LDHAL6A: variants seen among roughly 807,000 people sequenced by gnomAD.
LDHAL6A encodes the protein lactate dehydrogenase A like 6A, also known as L-lactate dehydrogenase A-like 6A.
Under a neutral mutation model 28.2 loss-of-function variants are expected in LDHAL6A, and 19 were observed. The observed-to-expected ratio is 0.67, with a 90% CI of 0.47 to 0.99. LDHAL6A has a LOEUF of 0.99. LDHAL6A is among the 50% of genes least tolerant of loss of function. The probability of loss-of-function intolerance (pLI) is 0.00; values close to 1 mark genes in which losing one functional copy is unlikely to be tolerated. For missense variants in LDHAL6A, 372 were observed against 398.6 expected (o/e 0.93, Z 0.57); for synonymous variants, 144 against 134.4 (o/e 1.07, Z -0.49).
intron 1 of LDHAL6A, 124 bp downstream of exon 1, chr11:18,456,930 G>C: frequency 1.0e-6 from 1 of 965,870 alleles, no homozygotes; most frequent in Non-Finnish European, 1.5e-6. Flanking sequence ...GGCATCAGAG[G>C]AAAAGGTGCC....
chr11:18,465,450 A>ATT (rs1444428228), intron 2 of LDHAL6A, among the ~76,000 whole-genome samples, 187 bp from the exon 3 acceptor site: 2 of 146,954 alleles, frequency 1.4e-5, no homozygotes, highest in African/African-American at 5.1e-5. Context: ...TTTTATTATT[A>ATT]AAAAAAATGT....
intron 3 of LDHAL6A, among the ~76,000 whole-genome samples, chr11:18,474,545 C>T (rs1849325533): frequency 6.6e-6 from 1 of 152,060 alleles, no homozygotes; most frequent in Non-Finnish European, 1.5e-5. Context: ...CACCACCATG[C>T]CTGGCTAATT....
rs114126870 is a variant in LDHAL6A, at chr11:18,466,344, T to C, written c.418+534T>C. ...ACAGTGGTAATCAGTGTATATACTA[T>C]AATGACTTTAAAAAATACTAGTGTG... On this transcript the variant is annotated intron_variant, in intron 3 of 6. Transcript: ENST00000280706. 5.2e-3 allele frequency among the ~76,000 whole-genome samples: 785 copies of C among 152,178 alleles called. 8 individuals are homozygous for C. Among genetic ancestry groups the C allele is most frequent in the African/African-American group, 0.018 (740 of 41,522 alleles).
At chr11:18,457,763 C>T (rs1242055369) in intron 1 of LDHAL6A, among the ~76,000 whole-genome samples, 2 of 152,142 alleles carry the variant, frequency 1.3e-5, no homozygotes, top group Non-Finnish European at 2.9e-5. Flanking sequence ...TCTCAAACTC[C>T]TGGCCTCAAG....
intron 3 of LDHAL6A, among the ~76,000 whole-genome samples, chr11:18,467,950 T>C (rs1590254112): frequency 1.9e-5 from 1 of 53,274 alleles, no homozygotes; most frequent in Admixed American, 2.7e-4. Flanking sequence ...CACACATATA[T>C]ATATACGTAT....
chr11:18,475,667 G>C, intron 4 of LDHAL6A, 28 bp downstream of exon 4: 1 of 1,588,084 alleles, frequency 6.3e-7, no homozygotes, highest in Non-Finnish European at 8.6e-7. Context: ...TTGAGCCTCT[G>C]AAATATCTAT....
chr11:18,465,859 T>C (rs964268515), intron 3 of LDHAL6A, 49 bp downstream of exon 3: 10 of 1,437,912 alleles, frequency 7.0e-6, no homozygotes, highest in Non-Finnish European at 9.7e-6. Context: ...GGGGGTACAC[T>C]GTGTAGGTTC....
chr11:18,471,215 T>G (rs936289468), intron 3 of LDHAL6A, among the ~76,000 whole-genome samples: 6 of 151,496 alleles, frequency 4.0e-5, no homozygotes, highest in Non-Finnish European at 7.4e-5. Flanking sequence ...TAGAAGTTTT[T>G]TTTTTTTTTT....
At chr11:18,460,407 C>T (rs1237907322) in intron 1 of LDHAL6A, among the ~76,000 whole-genome samples, 1 of 151,806 alleles carries the variant, frequency 6.6e-6, no homozygotes, top group Non-Finnish European at 1.5e-5. Flanking sequence ...GCCTGGCTAA[C>T]ATGGTGAAAC....
chr11:18,466,759 T>C (rs1330348382), intron 3 of LDHAL6A, among the ~76,000 whole-genome samples: 1 of 152,116 alleles, frequency 6.6e-6, no homozygotes, highest in East Asian at 1.9e-4. Context: ...AAATTACTGT[T>C]TGAGAAGTGA....
intron 1 of LDHAL6A, among the ~76,000 whole-genome samples, chr11:18,460,917 A>T (rs2133862715): frequency 6.6e-6 from 1 of 152,216 alleles, no homozygotes; most frequent in East Asian, 1.9e-4. Context: ...AGCTCACAGC[A>T]ACCTCCGCCT....
intron 6 of LDHAL6A, among the ~76,000 whole-genome samples, chr11:18,478,496 C>T (rs535280186): frequency 1.5e-4 from 23 of 151,956 alleles, no homozygotes; most frequent in Non-Finnish European, 3.4e-4. Flanking sequence ...GGAGGCGGAG[C>T]TTGCAGTGAG....
At position 18,475,494 on chromosome 11, in the gene LDHAL6A, G is replaced by A. The variant is rs1481841083; in HGVS notation, c.447G>A (p.Lys149=). The change falls in exon 4 of 7, where the codon AAG becomes AAA. Residue 149 remains lysine, a synonymous_variant. Transcript: ENST00000280706. ...ATATCTTAACTTATGTAGCCTGGAA[G>A]TTGAGTGGATTTCCCAAAAACCGTG... ...PVDILTYVAW[K]LSGFPKNRVI... 4.3e-6 allele frequency: 7 copies of A among 1,613,756 alleles called. No homozygotes were observed. The highest frequency in any genetic ancestry group is 5.1e-6 in the Non-Finnish European group (6 of 1,179,860).
At chr11:18,465,861 T>A in intron 3 of LDHAL6A, 51 bp downstream of exon 3, 1 of 1,425,884 alleles carries the variant, frequency 7.0e-7, no homozygotes, top group East Asian at 2.3e-5. Context: ...GGGTACACTG[T>A]GTAGGTTCAT....
intron 3 of LDHAL6A, among the ~76,000 whole-genome samples, chr11:18,473,300 T>C (rs946088023): frequency 6.6e-6 from 1 of 152,216 alleles, no homozygotes; most frequent in African/African-American, 2.4e-5. Context: ...CAAGTAGGCA[T>C]TAGCAGTTTT....
At chr11:18,459,606 T>C (rs1848846594) in intron 1 of LDHAL6A, among the ~76,000 whole-genome samples, 1 of 152,234 alleles carries the variant, frequency 6.6e-6, no homozygotes. Context: ...AGAACTCTAA[T>C]ACATATTGTA....
chr11:18,468,250 G>C (rs1849171063), intron 3 of LDHAL6A: 1 of 150,410 alleles, frequency 6.6e-6, no homozygotes, highest in Admixed American at 6.6e-5. Context: ...TCTTTGGCTT[G>C]TAACAGTTTG....
intron 6 of LDHAL6A, 122 bp from the exon 7 acceptor site, chr11:18,478,584 G>A: frequency 1.3e-6 from 1 of 767,520 alleles, no homozygotes; most frequent in Non-Finnish European, 2.1e-6. Flanking sequence ...AAAGTTCTCT[G>A]CCTTGGTACT....
chr11:18,464,794 G>T (rs1849005193), intron 2 of LDHAL6A, among the ~76,000 whole-genome samples: 3 of 151,642 alleles, frequency 2.0e-5, no homozygotes. Flanking sequence ...CTTCACTACT[G>T]TACTTTATTC....
Sources: allele counts gnomAD v4.1 joint callset (sites outside exome capture counted in the v4.1 genomes callset), GRCh38; gene constraint gnomAD v4.1.1; transcripts MANE v1.5; gene names NCBI Gene and HGNC (gene_info 2026-07-23, HGNC 2026-07-21).